CTNNA3: variants seen among roughly 807,000 people sequenced by gnomAD.
CTNNA3 encodes the protein catenin alpha-3.
A neutral mutation model predicts 95.7 loss-of-function variants in CTNNA3; 76 were observed. The observed-to-expected ratio is 0.79, with a 90% CI of 0.66 to 0.96. The LOEUF (loss-of-function observed/expected upper bound fraction) is 0.96. CTNNA3 is among the 40% of genes least tolerant of loss of function. The probability of loss-of-function intolerance (pLI) is 0.00; values close to 1 mark genes in which losing one functional copy is unlikely to be tolerated. For missense variants in CTNNA3, 1,191 were observed against 1,089.8 expected, an observed-to-expected ratio of 1.09 and a Z score of -1.31; for synonymous variants, 431 against 374.4, an observed-to-expected ratio of 1.15 and a Z score of -1.74.
At chr10:66,450,623 A>C (rs1385363165) in intron 11 of CTNNA3, among the ~76,000 whole-genome samples, 1 of 152,142 alleles carries the variant, frequency 6.6e-6, no homozygotes, top group African/African-American at 2.4e-5. Flanking sequence ...GAATATTTAC[A>C]CTTAAAAGAA....
At chr10:67,526,689 G>A (rs1762356360) in intron 4 of CTNNA3, among the ~76,000 whole-genome samples, 1 of 152,044 alleles carries the variant, frequency 6.6e-6, no homozygotes, top group Non-Finnish European at 1.5e-5. Context: ...AAGAAACAGA[G>A]GAAAACAAAA....
rs2076965615 is a variant in CTNNA3, at chr10:65,913,103, GTC to G, written c.*7225_*7226del. ...GGTTACTTTTATTTCATCTCAGAAA[GTC>G]TTAGTTTAAATCTGCTTTCATCCTA... On this transcript the variant is annotated 3_prime_UTR_variant, in exon 18 of 18. Transcript: ENST00000433211. 1 of 152,138 alleles carries G rather than the reference GTC, an allele frequency of 6.6e-6. No individual in the cohort carries two copies. Among genetic ancestry groups the G allele is most frequent in the Non-Finnish European group, 1.5e-5 (1 of 68,026 alleles). The allele number at this position is 152,138 out of a possible 1,614,324, so 9.4% of individuals were successfully genotyped here. A position where few individuals can be genotyped will look rare whatever the true frequency, so the allele number is the denominator to read the frequency against.
At chr10:67,533,976 T>A (rs1840414681) in intron 4 of CTNNA3, among the ~76,000 whole-genome samples, 1 of 151,434 alleles carries the variant, frequency 6.6e-6, no homozygotes, top group Non-Finnish European at 1.5e-5. Context: ...AAAAAAATTG[T>A]GAGCTCAGAG....
chr10:67,164,164 A>G (rs1328503941), intron 7 of CTNNA3, among the ~76,000 whole-genome samples: 1 of 152,032 alleles, frequency 6.6e-6, no homozygotes, highest in Non-Finnish European at 1.5e-5. Context: ...GCTAAAAACA[A>G]CTTTGAAATA....
intron 12 of CTNNA3, among the ~76,000 whole-genome samples, chr10:66,326,312 C>T (rs1295848729): frequency 6.6e-6 from 1 of 152,096 alleles, no homozygotes; most frequent in Non-Finnish European, 1.5e-5. Flanking sequence ...GCACCTTCTT[C>T]ATCTACATAA....
intron 10 of CTNNA3, among the ~76,000 whole-genome samples, chr10:66,560,517 G>GC (rs1246634024): frequency 3.3e-5 from 5 of 152,022 alleles, no homozygotes; most frequent in Non-Finnish European, 5.9e-5. Context: ...AGAGTTCACA[G>GC]CTACACCATT....
intron 11 of CTNNA3, among the ~76,000 whole-genome samples, chr10:66,515,677 G>A (rs747737261): frequency 6.6e-6 from 1 of 152,112 alleles, no homozygotes; most frequent in Non-Finnish European, 1.5e-5. Context: ...AATCATGGTG[G>A]AAGGGGAAGC....
rs192315646 is a variant in CTNNA3, at chr10:67,493,532, A to G, written c.579+28310T>C. ...AGCAGAGATCGCACCACTGCACTCC[A>G]GGCTGGGTGACAGAGCGAGACTCTG... On this transcript the variant is annotated intron_variant, in intron 5 of 17. Transcript: ENST00000433211. 9.6e-3 allele frequency among the ~76,000 whole-genome samples: 1,454 copies of G among 151,096 alleles called. 21 individuals are homozygous for G. Among genetic ancestry groups the G allele is most frequent in the African/African-American group, 0.034 (1,380 of 40,984 alleles).
intron 7 of CTNNA3, among the ~76,000 whole-genome samples, chr10:67,056,258 A>C (rs1448457107): frequency 1.3e-5 from 2 of 152,152 alleles, no homozygotes; most frequent in East Asian, 3.9e-4. Flanking sequence ...CTGTGGACCC[A>C]CTAGGATGTG....
intron 10 of CTNNA3, 103 bp from the exon 11 acceptor site, chr10:66,520,876 C>G: frequency 1.8e-6 from 1 of 555,856 alleles, no homozygotes; most frequent in Non-Finnish European, 3.0e-6. Flanking sequence ...GCAATATATT[C>G]ATGTAAGAAA....
chr10:66,479,773 G>C (rs544717674), intron 11 of CTNNA3, among the ~76,000 whole-genome samples: 9,376 of 149,316 alleles, frequency 0.063, 596 homozygotes, highest in African/African-American at 0.17. Flanking sequence ...GTTTTTAACT[G>C]CATCATTTTT....
intron 10 of CTNNA3, among the ~76,000 whole-genome samples, chr10:66,576,998 T>A (rs187266733): frequency 0.024 from 1,872 of 76,868 alleles, 158 homozygotes; most frequent in Non-Finnish European, 0.05. Context: ...GCATCTGTTG[T>A]TTCTTAACTT....
At chr10:66,395,540 A>G (rs1305456071) in intron 11 of CTNNA3, among the ~76,000 whole-genome samples, 1 of 152,070 alleles carries the variant, frequency 6.6e-6, no homozygotes, top group Non-Finnish European at 1.5e-5. Context: ...AGGCAAAAAG[A>G]TATGGCTTAA....
At chr10:65,933,760 T>G (rs1251589224) in intron 17 of CTNNA3, among the ~76,000 whole-genome samples, 1 of 152,204 alleles carries the variant, frequency 6.6e-6, no homozygotes, top group Non-Finnish European at 1.5e-5. Flanking sequence ...CCACAATGTC[T>G]TCTGTGGCAG....
At chr10:66,766,028 C>T (rs1353211964) in intron 9 of CTNNA3, 1 of 396,248 alleles carries the variant, frequency 2.5e-6, no homozygotes, top group Non-Finnish European at 4.6e-6. Flanking sequence ...AAGTATTCTG[C>T]ATTTAGCCAG....
At chr10:67,179,984 C>T (rs1053062179) in intron 7 of CTNNA3, among the ~76,000 whole-genome samples, 1 of 152,042 alleles carries the variant, frequency 6.6e-6, no homozygotes, top group African/African-American at 2.4e-5. Context: ...GCAATCTGCC[C>T]CTCTCTTTAT....
At chr10:66,614,584 T>C (rs922527685) in intron 10 of CTNNA3, among the ~76,000 whole-genome samples, 1 of 151,972 alleles carries the variant, frequency 6.6e-6, no homozygotes, top group Non-Finnish European at 1.5e-5. Context: ...TATATATCTC[T>C]TTTAGAAATT....
chr10:67,072,597 T>C (rs1254035103), intron 7 of CTNNA3, among the ~76,000 whole-genome samples: 2 of 152,146 alleles, frequency 1.3e-5, no homozygotes, highest in African/African-American at 2.4e-5. Flanking sequence ...TGGGGCTAGA[T>C]TGCAGTTTTA....
rs187683255 is a variant in CTNNA3 at position 67,642,427 on chromosome 10, A to C, written c.99+4988T>G. Among the ~76,000 whole-genome samples, 5 of 152,296 alleles carry C rather than the reference A, an allele frequency of 3.3e-5. No homozygotes were observed. The East Asian group carries it at 9.6e-4, about 29-fold the overall frequency. ...ACATGCGGCCAATAAACATGAAAAA[A>C]AGTTTATCAGCTGGGTGCGGTGGCT... On this transcript the variant is annotated intron_variant, in intron 2 of 17. Coordinates refer to ENST00000433211, the MANE Select transcript of CTNNA3 (RefSeq NM_013266.4).
Sources: gnomAD v4.1 joint callset for allele counts (sites outside exome capture counted in the v4.1 genomes callset) on GRCh38, gnomAD v4.1.1 for gene constraint, MANE v1.5 for transcripts, NCBI Gene and HGNC (gene_info 2026-07-23, HGNC 2026-07-21) for gene names.